The following CDK6 variants were observed in gnomAD, a reference collection of about 807,000 sequenced individuals.
CDK6 encodes cyclin dependent kinase 6.
In CDK6, 6 loss-of-function variants were observed where a neutral mutation model predicts 37.1. That is an observed-to-expected ratio of 0.16 (90% confidence interval 0.09 to 0.32). CDK6 has a LOEUF of 0.32. Among genes scored for constraint, CDK6 ranks in the 10% least tolerant of loss-of-function variants. The pLI, the probability that CDK6 is intolerant of heterozygous loss-of-function variation, is 1.00. For missense variants in CDK6, 224 were observed against 418.9 expected (o/e 0.53, Z 4.06); for synonymous variants, 160 against 161.3 (o/e 0.99, Z 0.06).
chr7:92,785,487 C>G (rs1800106422), intron 2 of CDK6, among the ~76,000 whole-genome samples: 1 of 152,096 alleles, frequency 6.6e-6, no homozygotes, highest in African/African-American at 2.4e-5. Context: ...CTGTGCAACT[C>G]AGTAAGTATA....
At chr7:92,648,795 C>A (rs1197630453) in intron 5 of CDK6, among the ~76,000 whole-genome samples, 1 of 152,148 alleles carries the variant, frequency 6.6e-6, no homozygotes, top group African/African-American at 2.4e-5. Flanking sequence ...CATTTTTAAT[C>A]TACAAAGTGA....
intron 4 of CDK6, among the ~76,000 whole-genome samples, chr7:92,716,111 T>C (rs1798224490): frequency 6.6e-6 from 1 of 152,168 alleles, no homozygotes; most frequent in Non-Finnish European, 1.5e-5. Flanking sequence ...AGTTGAAAGT[T>C]GTGTCTAAAA....
At chr7:92,765,519 T>A (rs987572986) in intron 3 of CDK6, among the ~76,000 whole-genome samples, 3 of 152,164 alleles carry the variant, frequency 2.0e-5, no homozygotes, top group Admixed American at 2.0e-4. Context: ...ACCTTCAGCT[T>A]ATTTTTCTGT....
chr7:92,784,165 G>C (rs1800066000), intron 2 of CDK6, among the ~76,000 whole-genome samples: 1 of 152,076 alleles, frequency 6.6e-6, no homozygotes. Context: ...ATGGTAGCAG[G>C]GGCAAAATCC....
At chr7:92,795,455 C>G (rs1800385378) in intron 2 of CDK6, among the ~76,000 whole-genome samples, 1 of 152,054 alleles carries the variant, frequency 6.6e-6, no homozygotes, top group Non-Finnish European at 1.5e-5. Context: ...AAAAAGTATA[C>G]TCAGACCAAA....
intron 5 of CDK6, among the ~76,000 whole-genome samples, chr7:92,650,033 C>G (rs1796537412): frequency 6.6e-6 from 1 of 152,166 alleles, no homozygotes; most frequent in Non-Finnish European, 1.5e-5. Flanking sequence ...AAAACAATCT[C>G]CCCTTTGTAT....
In CDK6 at chr7:92,618,227, G is replaced by A. The variant is rs1795723615; in HGVS notation, c.699-20C>T. ...ATCACGCTACAAAAGAACCACACAT[G>A]GACATAAGCATTAGCTACTATGCAG... On this transcript the variant is annotated intron_variant, in intron 6 of 7. Transcript: ENST00000424848. 6.2e-7 allele frequency: 1 copy of A among 1,612,930 alleles called. No homozygotes were observed. Among genetic ancestry groups the A allele is most frequent in the Non-Finnish European group, 8.5e-7 (1 of 1,179,524 alleles).
At chr7:92,620,258 T>C (rs1585341521) in intron 6 of CDK6, among the ~76,000 whole-genome samples, 1 of 152,308 alleles carries the variant, frequency 6.6e-6, no homozygotes, top group East Asian at 1.9e-4. Context: ...TATAATTTTA[T>C]ATAAAATTTT....
chr7:92,654,236 C>T (rs934313897), intron 5 of CDK6, among the ~76,000 whole-genome samples: 8 of 150,094 alleles, frequency 5.3e-5, no homozygotes, highest in African/African-American at 2.0e-4. Flanking sequence ...TTCTAGCATT[C>T]TTCTCAGTCT....
chr7:92,760,935 T>C (rs532140364), intron 3 of CDK6, among the ~76,000 whole-genome samples: 1 of 152,086 alleles, frequency 6.6e-6, no homozygotes, highest in African/African-American at 2.4e-5. Context: ...CTCTAATTAT[T>C]TGGGAGGTTG....
At chr7:92,622,787 G>A (rs767679256) in intron 6 of CDK6, among the ~76,000 whole-genome samples, 3 of 151,692 alleles carry the variant, frequency 2.0e-5, no homozygotes, top group Non-Finnish European at 2.9e-5. Flanking sequence ...TCAGCCACAC[G>A]AAGAAAGAGG....
chr7:92,741,642 T>C (rs1264422296), intron 3 of CDK6, among the ~76,000 whole-genome samples: 2 of 152,158 alleles, frequency 1.3e-5, no homozygotes, highest in African/African-American at 4.8e-5. Flanking sequence ...TATATTAATG[T>C]TTCTTTTAAT....
intron 3 of CDK6, among the ~76,000 whole-genome samples, chr7:92,769,573 T>C (rs1799661955): frequency 6.6e-6 from 1 of 152,178 alleles, no homozygotes; most frequent in African/African-American, 2.4e-5. Flanking sequence ...GTTTATAAAA[T>C]AGTTGAGAAG....
At chr7:92,710,963 T>C (rs1010250773) in intron 4 of CDK6, 4 of 503,036 alleles carry the variant, frequency 8.0e-6, no homozygotes, top group African/African-American at 2.1e-5. Flanking sequence ...GCAAAGGCAA[T>C]GGCCAGAGGC....
chr7:92,812,608 T>C (rs1465490022), intron 2 of CDK6, among the ~76,000 whole-genome samples: 1 of 151,982 alleles, frequency 6.6e-6, no homozygotes, highest in Non-Finnish European at 1.5e-5. Context: ...ATATTTTTTG[T>C]AGAAATGAGG....
At chr7:92,656,139 G>A (rs1796693358) in intron 5 of CDK6, among the ~76,000 whole-genome samples, 1 of 152,180 alleles carries the variant, frequency 6.6e-6, no homozygotes, top group Admixed American at 6.5e-5. Context: ...GAGAACAGGA[G>A]CGTGGAGGGA....
chr7:92,792,233 G>A (rs1006890416), intron 2 of CDK6, among the ~76,000 whole-genome samples: 3 of 152,086 alleles, frequency 2.0e-5, no homozygotes, highest in Non-Finnish European at 4.4e-5. Context: ...TGTCTATCAG[G>A]ATCATCAGGC....
At chr7:92,724,040 A>G (rs1482527800) in intron 4 of CDK6, among the ~76,000 whole-genome samples, 3 of 152,162 alleles carry the variant, frequency 2.0e-5, no homozygotes, top group African/African-American at 7.2e-5. Context: ...TCCTTCAATT[A>G]ACGTACCCAA....
intron 5 of CDK6, among the ~76,000 whole-genome samples, chr7:92,651,403 AG>A (rs1420503956): frequency 6.6e-6 from 1 of 152,216 alleles, no homozygotes; most frequent in Admixed American, 6.5e-5. Context: ...GATGGCTAAC[AG>A]GGGTGAATGA....
Sources: allele counts gnomAD v4.1 joint callset (sites outside exome capture counted in the v4.1 genomes callset), GRCh38; gene constraint gnomAD v4.1.1; transcripts MANE v1.5; gene names NCBI Gene and HGNC (gene_info 2026-07-23, HGNC 2026-07-21).